CAMK1G: variants seen among roughly 807,000 people sequenced by gnomAD.
The protein encoded by CAMK1G is calcium/calmodulin-dependent protein kinase type 1G.
A neutral mutation model predicts 54.8 loss-of-function variants in CAMK1G; 27 were observed. The observed-to-expected ratio is 0.49, with a 90% CI of 0.36 to 0.68. The LOEUF (loss-of-function observed/expected upper bound fraction) is 0.68. CAMK1G is among the 30% of genes least tolerant of loss of function. The probability of loss-of-function intolerance (pLI) is 0.00; values close to 1 mark genes in which losing one functional copy is unlikely to be tolerated. For missense variants in CAMK1G, 512 were observed against 591.0 expected, an observed-to-expected ratio of 0.87 and a Z score of 1.39; for synonymous variants, 238 against 224.9, an observed-to-expected ratio of 1.06 and a Z score of -0.52.
At chr1:209,589,062 G>A (rs1665180864) in intron 1 of CAMK1G, among the ~76,000 whole-genome samples, 1 of 152,168 alleles carries the variant, frequency 6.6e-6, no homozygotes, top group Admixed American at 6.5e-5. Flanking sequence ...TAGCCCCAAG[G>A]GAGGCAACAA....
chr1:209,608,616 C>T (rs1007734634), intron 7 of CAMK1G, among the ~76,000 whole-genome samples: 16 of 152,362 alleles, frequency 1.1e-4, no homozygotes, highest in African/African-American at 3.4e-4. Context: ...CAGTGAACAA[C>T]ACAGCCTAAA....
chr1:209,606,191 G>C, intron 5 of CAMK1G, 129 bp from the exon 6 acceptor site: 2 of 1,182,892 alleles, frequency 1.7e-6, no homozygotes, highest in South Asian at 1.4e-5. Flanking sequence ...AGGGAAGAAT[G>C]GGGGAGGATG....
chr1:209,606,241 G>A (rs1226151292), intron 5 of CAMK1G, 79 bp from the exon 6 acceptor site: 2 of 1,560,906 alleles, frequency 1.3e-6, no homozygotes, highest in Admixed American at 1.8e-5. Flanking sequence ...TCATCTTCCT[G>A]TGAAATTTTG....
intron 6 of CAMK1G, among the ~76,000 whole-genome samples, chr1:209,606,832 T>C (rs1665661603): frequency 6.6e-6 from 1 of 152,136 alleles, no homozygotes; most frequent in African/African-American, 2.4e-5. Flanking sequence ...GAAGGAGACA[T>C]TAGCCCCCAG....
In CAMK1G at chr1:209,608,998, A is replaced by G. The variant is rs11119314; in HGVS notation, c.654A>G (p.Pro218=). The G allele has an allele frequency of 0.42, 673,377 of 1,613,628 alleles. 146,691 individuals carry two copies. Among genetic ancestry groups the G allele is most frequent in the African/African-American group, 0.68 (50,586 of 74,920 alleles). Residue 218 remains proline (P), a synonymous_variant, in exon 8 of 13, where the codon CCA becomes CCG. Coordinates refer to ENST00000361322, the MANE Select transcript of CAMK1G (RefSeq NM_020439.3). ...ITYILLCGYP[P]FYEETESKLF... Reference sequence around the variant, plus strand: ...GCTGCAGGCTCTGTGGATACCCCCCATTCTATGAAGAAACGGAGTCTAAGC... The same window carrying G: ...GCTGCAGGCTCTGTGGATACCCCCCGTTCTATGAAGAAACGGAGTCTAAGC...
intron 11 of CAMK1G, 167 bp downstream of exon 11, chr1:209,612,383 A>G (rs1665805366): frequency 1.4e-6 from 1 of 699,046 alleles, no homozygotes; most frequent in Non-Finnish European, 2.4e-6. Context: ...CCCTGTCCCC[A>G]TCACTTACTA....
At chr1:209,591,365 TAATA>T (rs1665244912) in intron 1 of CAMK1G, among the ~76,000 whole-genome samples, 1 of 152,234 alleles carries the variant, frequency 6.6e-6, no homozygotes, top group African/African-American at 2.4e-5. Context: ...CATTTTTTAA[TAATA>T]AATAGCCACC....
At chr1:209,605,799 C>A (rs910104014) in intron 5 of CAMK1G, 125 bp downstream of exon 5, 3 of 878,982 alleles carry the variant, frequency 3.4e-6, no homozygotes, top group Non-Finnish European at 5.0e-6. Context: ...GCCCCTTCTG[C>A]CCTTAGATTC....
chr1:209,608,679 A>G (rs1437429764), intron 7 of CAMK1G, among the ~76,000 whole-genome samples: 1 of 152,232 alleles, frequency 6.6e-6, no homozygotes, highest in East Asian at 1.9e-4. Context: ...ACTTTCTTAA[A>G]CATATTTTAT....
At chr1:209,609,192 C>G (rs1665721043) in intron 8 of CAMK1G, 100 bp downstream of exon 8, 1 of 1,411,082 alleles carries the variant, frequency 7.1e-7, no homozygotes, top group Non-Finnish European at 9.8e-7. Flanking sequence ...TCTTCAAAGT[C>G]CCTGGGGATC....
At chr1:209,595,283 A>C (rs1002105129) in intron 2 of CAMK1G, among the ~76,000 whole-genome samples, 2 of 152,116 alleles carry the variant, frequency 1.3e-5, no homozygotes, top group African/African-American at 4.8e-5. Context: ...ACCAAAGATG[A>C]TTTAATACAT....
chr1:209,585,061 T>C (rs530861495), intron 1 of CAMK1G, among the ~76,000 whole-genome samples: 1 of 152,306 alleles, frequency 6.6e-6, no homozygotes, highest in South Asian at 2.1e-4. Context: ...CTGGTGATGG[T>C]GGTGGCAACT....
At chr1:209,605,927 T>C (rs17014870) in intron 5 of CAMK1G, among the ~76,000 whole-genome samples, 4,229 of 152,272 alleles carry the variant, frequency 0.028, 193 homozygotes, top group African/African-American at 0.096. Context: ...ATTTCTTACA[T>C]CCAGCCACAG....
intron 1 of CAMK1G, among the ~76,000 whole-genome samples, chr1:209,590,939 C>A (rs752660816): frequency 1.3e-5 from 2 of 151,876 alleles, no homozygotes; most frequent in Non-Finnish European, 2.9e-5. Context: ...TGGACAATCT[C>A]AAATTTAAAG....
chr1:209,590,300 C>T (rs906331639), intron 1 of CAMK1G, among the ~76,000 whole-genome samples: 4 of 152,160 alleles, frequency 2.6e-5, no homozygotes, highest in Admixed American at 2.0e-4. Flanking sequence ...GCCCACTGTT[C>T]AGACCTCCAC....
rs554479000 is a variant in CAMK1G at position 209,611,939 on chromosome 1, A to G, written c.1063A>G (p.Ile355Val). ...TSRPSSPEIT[I>V]TEAPVLDHSV... is the part of the protein sequence containing the mutation. ...TAGACCCAGCTCCCCTGAGATCACC[A>G]TCACCGAGGCACCTGTCCTGGACCA... The change falls in exon 11 of 13, where the codon ATC becomes GTC. Residue 355 changes from isoleucine to valine, a missense_variant. Ile to Val is a conservative substitution (Grantham distance 29). Around this residue, in one of 3 missense-constraint regions of CAMK1G, gnomAD observed 315 missense variants for 330.5 expected, o/e 0.95. Transcript: ENST00000361322. 16 of 1,614,236 alleles carry G rather than the reference A, an allele frequency of 9.9e-6. No individual in the cohort carries two copies. In the African/African-American group the frequency reaches 1.3e-4, roughly 13 times the overall value.
intron 4 of CAMK1G, among the ~76,000 whole-genome samples, chr1:209,604,087 A>G (rs1247465939): frequency 6.6e-6 from 1 of 151,882 alleles, no homozygotes; most frequent in Non-Finnish European, 1.5e-5. Context: ...CTCACACACC[A>G]CTCTGCAATC....
At chr1:209,612,545 G>T (rs1665808927) in intron 11 of CAMK1G, among the ~76,000 whole-genome samples, 1 of 152,218 alleles carries the variant, frequency 6.6e-6, no homozygotes, top group South Asian at 2.1e-4. Flanking sequence ...CAGAAAACTG[G>T]GTATTTGCAA....
intron 8 of CAMK1G, 67 bp downstream of exon 8, chr1:209,609,159 TAAC>T (rs1665720020): frequency 1.3e-6 from 2 of 1,591,660 alleles, no homozygotes; most frequent in Admixed American, 3.4e-5. Context: ...GAAATGAGCT[TAAC>T]AAAGGATGAC....
Sources: allele counts gnomAD v4.1 joint callset (sites outside exome capture counted in the v4.1 genomes callset), GRCh38; gene constraint gnomAD v4.1.1; regional missense constraint gnomAD v4.1.1; transcripts MANE v1.5; gene names NCBI Gene and HGNC (gene_info 2026-07-23, HGNC 2026-07-21).